Variants in MTUS2 observed in about 807,000 individuals in gnomAD.
The protein encoded by MTUS2 is microtubule-associated tumor suppressor candidate 2.
MTUS2 carries 40 observed loss-of-function variants against 114.1 expected under a neutral mutation model. The ratio of observed to expected loss-of-function variants is 0.35; its 90% CI spans 0.27 to 0.46. The LOEUF (loss-of-function observed/expected upper bound fraction) is 0.46. Among genes scored for constraint, MTUS2 ranks in the 20% least tolerant of loss-of-function variants. The pLI is 1.00. For missense variants in MTUS2, 1,679 were observed against 1,705.4 expected (o/e 0.98, Z 0.27); for synonymous variants, 688 against 672.0 (o/e 1.02, Z -0.37).
intron 2 of MTUS2, among the ~76,000 whole-genome samples, chr13:28,994,422 T>C (rs1236653675): frequency 6.6e-6 from 1 of 152,192 alleles, no homozygotes; most frequent in Non-Finnish European, 1.5e-5. Flanking sequence ...TACCCAGTAA[T>C]GGGATGGCTG....
intron 8 of MTUS2, among the ~76,000 whole-genome samples, chr13:29,411,203 T>A (rs1473192942): frequency 1.3e-5 from 2 of 152,206 alleles, no homozygotes; most frequent in African/African-American, 4.8e-5. Context: ...TTTGGTATTT[T>A]TGTGGTTTTA....
intron 2 of MTUS2, among the ~76,000 whole-genome samples, chr13:28,889,660 A>G (rs1327757668): frequency 6.6e-6 from 1 of 152,012 alleles, no homozygotes; most frequent in African/African-American, 2.4e-5. Flanking sequence ...TTTTCCTCTT[A>G]GAAGGTAGCC....
intron 8 of MTUS2, among the ~76,000 whole-genome samples, chr13:29,393,566 A>G (rs1407980093): frequency 2.0e-5 from 3 of 152,176 alleles, no homozygotes; most frequent in Non-Finnish European, 4.4e-5. Flanking sequence ...CAGAAGCCAC[A>G]TGGGGAAAAG....
intron 2 of MTUS2, among the ~76,000 whole-genome samples, chr13:28,972,519 CA>C (rs1054283224): frequency 2.0e-5 from 3 of 152,084 alleles, no homozygotes; most frequent in African/African-American, 7.2e-5. Context: ...TTCAGAAACC[CA>C]AAACAATCTT....
chr13:28,831,784 TCTCA>T (rs1471113210), intron 1 of MTUS2, among the ~76,000 whole-genome samples: 2 of 151,698 alleles, frequency 1.3e-5, no homozygotes, highest in Admixed American at 1.3e-4. Context: ...TGAGACAGAG[TCTCA>T]CTCTGCTGCT....
At chr13:29,013,812 A>G (rs569276202) in intron 2 of MTUS2, among the ~76,000 whole-genome samples, 1 of 152,276 alleles carries the variant, frequency 6.6e-6, no homozygotes, top group East Asian at 1.9e-4. Context: ...GCATACCTAC[A>G]TTGCAGGAAG....
At chr13:29,104,159 T>C (rs908170828) in intron 5 of MTUS2, among the ~76,000 whole-genome samples, 1 of 152,184 alleles carries the variant, frequency 6.6e-6, no homozygotes, top group Admixed American at 6.5e-5. Flanking sequence ...CTAAGTCAGG[T>C]GCTCTTCTAT....
At chr13:29,032,139 A>T (rs1052680848) in intron 3 of MTUS2, among the ~76,000 whole-genome samples, 1 of 152,172 alleles carries the variant, frequency 6.6e-6, no homozygotes, top group South Asian at 2.1e-4. Flanking sequence ...CTTTCTGTAG[A>T]TTCCCTTGTT....
chr13:29,131,219 A>G (rs998577518), intron 5 of MTUS2, among the ~76,000 whole-genome samples: 7 of 152,250 alleles, frequency 4.6e-5, no homozygotes, highest in Admixed American at 1.3e-4. Context: ...GCCTTGAGCT[A>G]ATCTCTTTAT....
Position 28,894,290 on chromosome 13 carries a change from GAGA to G in MTUS2, c.-243+54441_-243+54443del, listed in dbSNP as rs1358418479. On this transcript the variant is annotated intron_variant, in intron 2 of 15. Coordinates refer to ENST00000612955, the MANE Select transcript of MTUS2 (RefSeq NM_001033602.4). ...AGAAGGAGAGTTGGTGGGGGGGGGG[GAGA>G]GAGAGAGAGAGGGGGGGGGGGAGGG... Among the ~76,000 whole-genome samples, 30 of 6,832 alleles carry G rather than the reference GAGA, an allele frequency of 4.4e-3. 1 individual carries two copies. The highest frequency in any genetic ancestry group is 0.017 in the African/African-American group (25 of 1,462). 4.5% of individuals were successfully genotyped at this position (6,832 alleles called of 152,430 possible).
chr13:29,299,998 C>T (rs146282245), intron 6 of MTUS2, among the ~76,000 whole-genome samples: 2 of 152,244 alleles, frequency 1.3e-5, no homozygotes, highest in East Asian at 1.9e-4. Flanking sequence ...CTAATAACCT[C>T]ATCCTCTATT....
At chr13:29,027,165 A>G (rs925225352) in intron 3 of MTUS2, among the ~76,000 whole-genome samples, 1 of 152,238 alleles carries the variant, frequency 6.6e-6, no homozygotes, top group Non-Finnish European at 1.5e-5. Flanking sequence ...TATAATTCAT[A>G]TGAAATTAGA....
At chr13:29,395,023 C>T (rs1427150441) in intron 8 of MTUS2, among the ~76,000 whole-genome samples, 1 of 152,110 alleles carries the variant, frequency 6.6e-6, no homozygotes, top group Non-Finnish European at 1.5e-5. Flanking sequence ...GTTGTTCCCA[C>T]AAGAGACAGC....
At chr13:29,073,653 A>G (rs1289580451) in intron 4 of MTUS2, among the ~76,000 whole-genome samples, 1 of 152,110 alleles carries the variant, frequency 6.6e-6, no homozygotes, top group African/African-American at 2.4e-5. Flanking sequence ...CTGTGCAGGC[A>G]CCATGTGTAC....
At chr13:28,965,401 GT>G (rs1317241458) in intron 2 of MTUS2, among the ~76,000 whole-genome samples, 1 of 152,112 alleles carries the variant, frequency 6.6e-6, no homozygotes, top group Non-Finnish European at 1.5e-5. Context: ...TGTCTACACG[GT>G]TTTAGGTGTG....
At chr13:28,856,768 T>TAGAACAGA (rs1876654828) in intron 2 of MTUS2, among the ~76,000 whole-genome samples, 1 of 152,208 alleles carries the variant, frequency 6.6e-6, no homozygotes, top group Admixed American at 6.5e-5. Flanking sequence ...TCATTGGCTG[T>TAGAACAGA]AGAACAGAAG....
intron 5 of MTUS2, among the ~76,000 whole-genome samples, chr13:29,190,728 T>G (rs966679734): frequency 3.3e-4 from 50 of 152,192 alleles, no homozygotes; most frequent in African/African-American, 1.2e-3. Context: ...GAGCATTGCA[T>G]ATATATAACT....
At chr13:29,233,626 C>T (rs1896422051) in intron 5 of MTUS2, among the ~76,000 whole-genome samples, 2 of 152,224 alleles carry the variant, frequency 1.3e-5, no homozygotes, top group South Asian at 4.1e-4. Flanking sequence ...TGTATTTTCA[C>T]TCACCCACAG....
At chr13:29,018,627 G>A (rs577905498) in intron 2 of MTUS2, among the ~76,000 whole-genome samples, 10 of 152,182 alleles carry the variant, frequency 6.6e-5, no homozygotes, top group Non-Finnish European at 1.0e-4. Context: ...GGGCGTGGTG[G>A]CGTGCGCCTG....
Sources: gnomAD v4.1 joint callset for allele counts (sites outside exome capture counted in the v4.1 genomes callset) on GRCh38, gnomAD v4.1.1 for gene constraint, MANE v1.5 for transcripts, NCBI Gene and HGNC (gene_info 2026-07-23, HGNC 2026-07-21) for gene names.